Variants in AMOT observed in about 807,000 individuals in gnomAD.
AMOT encodes angiomotin.
AMOT carries 11 observed loss-of-function variants against 67.0 expected under a neutral mutation model. The observed-to-expected ratio is 0.16, with a 90% CI of 0.10 to 0.27. AMOT has a LOEUF of 0.27. Ranked by LOEUF, AMOT falls within the 10% of genes least tolerant of loss-of-function variation. AMOT has a pLI of 1.00. For missense variants in AMOT, 753 were observed against 852.0 expected (o/e 0.88, Z 1.45); for synonymous variants, 326 against 321.4 (o/e 1.01, Z -0.15).
intron 8 of AMOT, among the ~76,000 whole-genome samples, chrX:112,802,184 A>G (rs186730988): frequency 3.9e-4 from 44 of 112,339 alleles, no homozygotes; most frequent in Admixed American, 3.9e-3. Context: ...CTGTTCCAGA[A>G]CTACCTGTTT....
intron 1 of AMOT, among the ~76,000 whole-genome samples, chrX:112,840,175 C>T (rs1263479891): frequency 9.0e-6 from 1 of 111,050 alleles, no homozygotes; most frequent in Non-Finnish European, 1.9e-5. Context: ...TAGAGACCCA[C>T]AAGAACCCCA....
intron 8 of AMOT, among the ~76,000 whole-genome samples, chrX:112,796,503 A>C (rs1248383188): frequency 8.9e-6 from 1 of 112,311 alleles, no homozygotes; most frequent in Non-Finnish European, 1.9e-5. Context: ...TTGAACATTC[A>C]GTGAATGGAG....
chrX:112,785,102 G>A lies in AMOT; in HGVS notation c.2118-2440C>T, dbSNP rs772038459. ...AAGCAAGCAAGCACAGTATTTGAAC[G>A]AGCAACTTGACCTGCTACCTTCCAA... On this transcript the variant is annotated intron_variant, in intron 10 of 13. Coordinates refer to ENST00000371959, the MANE Select transcript of AMOT (RefSeq NM_001113490.2). Among the ~76,000 whole-genome samples, 12 of 111,765 alleles carry A rather than the reference G, an allele frequency of 1.1e-4. No homozygotes were observed. The South Asian group carries it at 1.5e-3, about 14-fold the overall frequency.
chrX:112,809,254 C>T (rs1231612819), intron 7 of AMOT, among the ~76,000 whole-genome samples: 1 of 111,914 alleles, frequency 8.9e-6, no homozygotes, highest in African/African-American at 3.3e-5. Flanking sequence ...AATAATTAGA[C>T]ATTGTCTAGC....
chrX:112,818,223 C>A (rs1022168364), intron 4 of AMOT, among the ~76,000 whole-genome samples: 2 of 111,193 alleles, frequency 1.8e-5, no homozygotes, highest in Non-Finnish European at 3.8e-5. Context: ...CTCCACAGCT[C>A]CCCTGGGCCT....
At position 112,779,383 on chromosome X, in the gene AMOT, GCAGCAGCTGGAGCAGCAGCAGCAGCAA is replaced by G; in HGVS notation, c.2744_2770del (p.Val915_Ala923del). The G allele has an allele frequency of 5.7e-6, 6 of 1,049,862 alleles. No individual in the cohort carries two copies. The highest frequency in any genetic ancestry group is 7.8e-6 in the Non-Finnish European group (6 of 765,475). The allele number at this position is 1,049,862 out of a possible 1,213,427, so 86.5% of individuals were successfully genotyped here. ...GGCAGTGGCTGGAGACGGGGCAGCA[GCAGCAGCTGGAGCAGCAGCAGCAGCAA>G]CAGCAACTGGAGCAGCAGCTACCAT... On this transcript the variant is annotated inframe_deletion, in exon 13 of 14. Coordinates refer to ENST00000371959, the MANE Select transcript of AMOT (RefSeq NM_001113490.2).
At chrX:112,815,904 G>A (rs771879828) in intron 4 of AMOT, 27 bp from the exon 5 acceptor site, 2 of 1,149,405 alleles carry the variant, frequency 1.7e-6, no homozygotes, top group Non-Finnish European at 1.2e-6. Flanking sequence ...GCAGGTGCGG[G>A]TTAATTTCTC....
chrX:112,795,011 A>G (rs1162206252), intron 8 of AMOT, among the ~76,000 whole-genome samples: 1 of 111,523 alleles, frequency 9.0e-6, no homozygotes, highest in African/African-American at 3.3e-5. Flanking sequence ...TATGCTGTAG[A>G]TATCTTTGGA....
At chrX:112,836,331 G>T (rs1160482650) in intron 1 of AMOT, among the ~76,000 whole-genome samples, 1 of 111,875 alleles carries the variant, frequency 8.9e-6, no homozygotes, top group African/African-American at 3.2e-5. Context: ...TAACAGCCTT[G>T]CTAGATACAT....
At chrX:112,790,495 A>T in intron 10 of AMOT, 97 bp downstream of exon 10, 1 of 970,082 alleles carries the variant, frequency 1.0e-6, no homozygotes, top group Non-Finnish European at 1.4e-6. Flanking sequence ...ATTGGGGGGG[A>T]AACCCAGAAT....
At position 112,791,966 on chromosome X, in the gene AMOT, C is replaced by T. The variant is rs1375468564; in HGVS notation, c.1792G>A (p.Val598Met). 1 of 1,209,237 alleles carries T rather than the reference C, an allele frequency of 8.3e-7. No individual in the cohort carries two copies. The highest frequency in any genetic ancestry group is 1.1e-6 in the Non-Finnish European group (1 of 894,818). The change falls in exon 9 of 14, where the codon GTG (valine) becomes ATG (methionine). Residue 598 changes from valine (V) to methionine (M), a missense_variant. Physicochemically the swap from Val to Met is conservative, Grantham distance 21. Coordinates refer to ENST00000371959, the MANE Select transcript of AMOT (RefSeq NM_001113490.2). Reference protein sequence around the residue: ...KLEEELKKKQVYVDKVEKMQQ... With the variant: ...KLEEELKKKQMYVDKVEKMQQ... Reference sequence around the variant, plus strand: ...ATCTTCTCCACCTTGTCAACGTACACTTGCTTCTTTTTCAGCTGGAAATCC... The same window carrying T: ...ATCTTCTCCACCTTGTCAACGTACATTTGCTTCTTTTTCAGCTGGAAATCC...
intron 4 of AMOT, among the ~76,000 whole-genome samples, chrX:112,819,600 G>C (rs191625646): frequency 1.7e-4 from 19 of 112,391 alleles, no homozygotes; most frequent in African/African-American, 4.8e-4. Flanking sequence ...TGCAGAAAAG[G>C]TTCAGCACTT....
intron 10 of AMOT, among the ~76,000 whole-genome samples, chrX:112,783,481 G>A (rs1933266760): frequency 9.0e-6 from 1 of 110,529 alleles, no homozygotes; most frequent in African/African-American, 3.3e-5. Context: ...AGATTAGGTA[G>A]GGCATGTGAG....
chrX:112,782,791 T>C, intron 10 of AMOT, 129 bp from the exon 11 acceptor site: 1 of 883,443 alleles, frequency 1.1e-6, no homozygotes, highest in Non-Finnish European at 1.6e-6. Flanking sequence ...GAACAGATGG[T>C]TTCTGGGGAA....
At chrX:112,813,813 ATTAAT>A (rs997976937) in intron 5 of AMOT, among the ~76,000 whole-genome samples, 1 of 112,015 alleles carries the variant, frequency 8.9e-6, no homozygotes, top group Non-Finnish European at 1.9e-5. Context: ...TATGGATATA[ATTAAT>A]TTATTTCACC....
At chrX:112,808,386 C>A (rs1250717724) in intron 7 of AMOT, among the ~76,000 whole-genome samples, 1 of 111,348 alleles carries the variant, frequency 9.0e-6, no homozygotes, top group Non-Finnish European at 1.9e-5. Context: ...GGTTTGGTTT[C>A]TCTAGGATTC....
chrX:112,836,478 G>T (rs1935133319), intron 1 of AMOT, among the ~76,000 whole-genome samples: 1 of 111,413 alleles, frequency 9.0e-6, no homozygotes, highest in African/African-American at 3.3e-5. Context: ...CTCCACATGG[G>T]TTCACAAAGT....
rs1238222932 is a variant in AMOT at position 112,790,693 on chromosome X, C to T, written c.2016G>A (p.Leu672=). ...ACTTTGTCATATCAGCTTCCAGAGC[C>T]AGAATCCTCTCCTCTTTCTCCCGAA... The part of the protein sequence containing the change: ...ELLREKEERI[L]ALEADMTKWE... The change falls in exon 10 of 14, where the codon CTG becomes CTA. Residue 672 remains leucine (L), a synonymous_variant. Transcript: ENST00000371959. 1.7e-6 allele frequency: 2 copies of T among 1,211,320 alleles called. No homozygotes were observed. Among genetic ancestry groups the T allele is most frequent in the South Asian group, 1.8e-5 (1 of 56,820 alleles).
chrX:112,784,044 G>A (rs1217656095), intron 10 of AMOT, among the ~76,000 whole-genome samples: 3 of 111,874 alleles, frequency 2.7e-5, no homozygotes, highest in African/African-American at 9.7e-5. Context: ...TACCTTATAT[G>A]CAAGGTTGAA....
Sources: allele counts gnomAD v4.1 joint callset (sites outside exome capture counted in the v4.1 genomes callset), GRCh38; gene constraint gnomAD v4.1.1; transcripts MANE v1.5; gene names NCBI Gene and HGNC (gene_info 2026-07-23, HGNC 2026-07-21).